The following SLC25A48 variants were observed in gnomAD, a reference collection of about 807,000 sequenced individuals.
The protein encoded by SLC25A48 is solute carrier family 25 member 48.
Under a neutral mutation model 32.2 loss-of-function variants are expected in SLC25A48, and 29 were observed. The observed-to-expected ratio is 0.90, with a 90% CI of 0.67 to 1.23. The LOEUF (loss-of-function observed/expected upper bound fraction) is 1.23. SLC25A48 is among the 50% of genes most tolerant of loss of function. SLC25A48 has a pLI of 0.00. For synonymous variants in SLC25A48, 164 were observed against 172.3 expected, an observed-to-expected ratio of 0.95 and a Z score of 0.38; for missense variants, 399 against 422.7, an observed-to-expected ratio of 0.94 and a Z score of 0.49.
intron 4 of SLC25A48, among the ~76,000 whole-genome samples, chr5:135,821,102 T>C (rs1419727493): frequency 1.3e-5 from 2 of 152,144 alleles, no homozygotes; most frequent in Non-Finnish European, 2.9e-5. Context: ...GGCTCAACTC[T>C]CCAATCTGCA....
chr5:135,656,134 A>G (rs1166379872), intron 3 of SLC25A48, among the ~76,000 whole-genome samples: 1 of 151,718 alleles, frequency 6.6e-6, no homozygotes, highest in Non-Finnish European at 1.5e-5. Flanking sequence ...GGCTTTAAGA[A>G]CTCTCTGTTT....
At chr5:135,744,027 TGA>T (rs1469729773) in intron 3 of SLC25A48, among the ~76,000 whole-genome samples, 2 of 152,188 alleles carry the variant, frequency 1.3e-5, no homozygotes, top group African/African-American at 2.4e-5. Context: ...TCTCCTACCC[TGA>T]GACATCTAAT....
chr5:135,800,264 T>C (rs897833058), intron 3 of SLC25A48, among the ~76,000 whole-genome samples: 2 of 151,480 alleles, frequency 1.3e-5, no homozygotes, highest in Non-Finnish European at 2.9e-5. Context: ...AAAGGAGAGT[T>C]TGATGTTAGT....
chr5:135,695,679 C>T (rs1426298086), intron 3 of SLC25A48, among the ~76,000 whole-genome samples: 1 of 152,232 alleles, frequency 6.6e-6, no homozygotes, highest in Non-Finnish European at 1.5e-5. Flanking sequence ...CTCCCATCTC[C>T]TGTGCTGGAG....
Position 135,784,511 on chromosome 5 carries a change from T to A in SLC25A48, c.-520-28012T>A, listed in dbSNP as rs11242281. Among the ~76,000 whole-genome samples, 14 of 115,322 alleles carry A rather than the reference T, an allele frequency of 1.2e-4. 3 individuals are homozygous for A. In the East Asian group the frequency reaches 2.6e-3, roughly 22 times the overall value. 75.7% of individuals were successfully genotyped at this position (115,322 alleles called of 152,430 possible). A position where few individuals can be genotyped will look rare whatever the true frequency, so the allele number is the denominator to read the frequency against. On this transcript the variant is annotated intron_variant, in intron 3 of 10. Coordinates refer to the SLC25A48 transcript ENST00000646290. ...GCACATTCCCTGTGTGATATTGTCC[T>A]AATATCAAAAAAGGGAGTTGATGAT...
At chr5:135,596,996 A>G (rs940609629) in intron 1 of SLC25A48, among the ~76,000 whole-genome samples, 15 of 152,176 alleles carry the variant, frequency 9.9e-5, no homozygotes, top group Admixed American at 2.6e-4. Flanking sequence ...CGTCTTTTGA[A>G]AAAAGAGCCA....
intron 3 of SLC25A48, among the ~76,000 whole-genome samples, chr5:135,753,879 CT>C (rs1370898460): frequency 2.0e-5 from 3 of 151,888 alleles, no homozygotes; most frequent in Admixed American, 6.6e-5. Context: ...TATTAGCAGT[CT>C]TATGTCAGTG....
intron 4 of SLC25A48, among the ~76,000 whole-genome samples, chr5:135,867,233 A>C (rs1296789546): frequency 6.6e-6 from 1 of 152,184 alleles, no homozygotes; most frequent in Non-Finnish European, 1.5e-5. Context: ...GAAGGTTCAG[A>C]AACAATGGGC....
intron 3 of SLC25A48, among the ~76,000 whole-genome samples, chr5:135,657,990 G>A (rs1753296955): frequency 1.3e-5 from 2 of 152,116 alleles, no homozygotes; most frequent in Admixed American, 1.3e-4. Context: ...TGAGATTTAG[G>A]TGGGGACACA....
chr5:135,845,195 C>T (rs1044559347), intron 2 of SLC25A48, among the ~76,000 whole-genome samples: 5 of 152,220 alleles, frequency 3.3e-5, no homozygotes, highest in Non-Finnish European at 7.3e-5. Context: ...CTGCAGTGCT[C>T]GGCATTCCTT....
Position 135,684,507 on chromosome 5 carries a change from G to A in SLC25A48, c.-521+49551G>A, listed in dbSNP as rs1040768239. The stretch of plus-strand genomic sequence containing the variant: ...CAGAGGCCTCCACCAGCTCTGTGGG[G>A]AGCTAGGATAGCCTTCAGAGTTGTC... On this transcript the variant is annotated intron_variant, in intron 3 of 10. Coordinates refer to the SLC25A48 transcript ENST00000646290. Among the ~76,000 whole-genome samples the A allele has an allele frequency of 3.9e-5, 6 of 152,182 alleles. No individual in the cohort carries two copies. In the South Asian group the frequency reaches 1.2e-3, roughly 32 times the overall value.
At chr5:135,675,008 G>A (rs960307818) in intron 3 of SLC25A48, among the ~76,000 whole-genome samples, 51 of 151,618 alleles carry the variant, frequency 3.4e-4, no homozygotes, top group African/African-American at 1.2e-3. Flanking sequence ...CTGCATCCTC[G>A]CCAGCATCTG....
intron 1 of SLC25A48, among the ~76,000 whole-genome samples, chr5:135,598,101 A>G (rs1391507075): frequency 2.0e-5 from 3 of 152,228 alleles, no homozygotes; most frequent in Admixed American, 6.5e-5. Context: ...GAACCAGTCC[A>G]AAAGAACTCA....
At chr5:135,624,855 T>C (rs1375545488) in intron 1 of SLC25A48, among the ~76,000 whole-genome samples, 1 of 152,176 alleles carries the variant, frequency 6.6e-6, no homozygotes, top group African/African-American at 2.4e-5. Flanking sequence ...ACAGATCCGA[T>C]TTGTGGAACA....
chr5:135,620,376 T>C (rs1332511588), intron 1 of SLC25A48, among the ~76,000 whole-genome samples: 1 of 152,012 alleles, frequency 6.6e-6, no homozygotes, highest in African/African-American at 2.4e-5. Context: ...TATATATGGG[T>C]GCTGACTTCA....
chr5:135,585,938 T>G (rs1041277928), intron 1 of SLC25A48, among the ~76,000 whole-genome samples: 1 of 152,240 alleles, frequency 6.6e-6, no homozygotes, highest in African/African-American at 2.4e-5. Context: ...GTGGGTTGGC[T>G]TGGCTAATTT....
At chr5:135,767,458 T>C (rs1756271848) in intron 3 of SLC25A48, among the ~76,000 whole-genome samples, 1 of 151,958 alleles carries the variant, frequency 6.6e-6, no homozygotes, top group Non-Finnish European at 1.5e-5. Flanking sequence ...TTGCTTCTGA[T>C]ATCGTGGGGA....
chr5:135,829,935 G>A (rs1036612116), upstream of SLC25A48, among the ~76,000 whole-genome samples: 1 of 152,068 alleles, frequency 6.6e-6, no homozygotes, highest in African/African-American at 2.4e-5. Context: ...AACGGAGCAT[G>A]CAGCACTGGG....
intron 7 of SLC25A48, among the ~76,000 whole-genome samples, chr5:135,880,901 C>T (rs1394120838): frequency 6.6e-6 from 1 of 152,196 alleles, no homozygotes; most frequent in African/African-American, 2.4e-5. Flanking sequence ...GGCTTGCTTT[C>T]TCAGCTAGGG....
Sources: allele counts gnomAD v4.1 joint callset (sites outside exome capture counted in the v4.1 genomes callset), GRCh38; gene constraint gnomAD v4.1.1; transcripts MANE v1.5; gene names NCBI Gene and HGNC (gene_info 2026-07-23, HGNC 2026-07-21).